The following TAFA1 variants were observed in gnomAD, a reference collection of about 807,000 sequenced individuals.
The protein encoded by TAFA1 is TAFA chemokine like family member 1.
A neutral mutation model predicts 18.5 loss-of-function variants in TAFA1; 4 were observed. That is an observed-to-expected ratio of 0.22 (90% confidence interval 0.11 to 0.49). The LOEUF (loss-of-function observed/expected upper bound fraction) is 0.49. Ranked by LOEUF, TAFA1 falls within the 20% of genes least tolerant of loss-of-function variation. The probability of loss-of-function intolerance (pLI) is 0.98; values close to 1 mark genes in which losing one functional copy is unlikely to be tolerated. For synonymous variants in TAFA1, 56 were observed against 55.2 expected (o/e 1.01, Z -0.06); for missense variants, 147 against 169.0 (o/e 0.87, Z 0.72).
At chr3:68,201,293 C>G (rs1021785905) in intron 2 of TAFA1, among the ~76,000 whole-genome samples, 4 of 151,312 alleles carry the variant, frequency 2.6e-5, no homozygotes, top group Non-Finnish European at 5.9e-5. Flanking sequence ...ATTCTATGAC[C>G]CAGCATGTGG....
intron 2 of TAFA1, among the ~76,000 whole-genome samples, chr3:68,389,938 G>A (rs1343204543): frequency 2.0e-5 from 3 of 152,154 alleles, no homozygotes; most frequent in Non-Finnish European, 4.4e-5. Flanking sequence ...GCAGCCATAT[G>A]GGCAGACACT....
intron 3 of TAFA1, among the ~76,000 whole-genome samples, chr3:68,452,687 G>T (rs2071586116): frequency 1.3e-5 from 2 of 152,066 alleles, no homozygotes; most frequent in African/African-American, 4.8e-5. Context: ...AGTCAAAGAG[G>T]ATGTCTTTGT....
At chr3:68,034,052 A>G (rs1233055334) in intron 2 of TAFA1, among the ~76,000 whole-genome samples, 1 of 152,228 alleles carries the variant, frequency 6.6e-6, no homozygotes, top group Non-Finnish European at 1.5e-5. Flanking sequence ...CCTTTGACCT[A>G]CAAACTAGAG....
chr3:68,095,419 C>T (rs1575613670), intron 2 of TAFA1, among the ~76,000 whole-genome samples: 1 of 152,130 alleles, frequency 6.6e-6, no homozygotes, highest in East Asian at 1.9e-4. Flanking sequence ...ACATAAAAAG[C>T]TTTCTATGCT....
At chr3:68,504,856 G>A (rs1287936019) in intron 3 of TAFA1, among the ~76,000 whole-genome samples, 1 of 152,128 alleles carries the variant, frequency 6.6e-6, no homozygotes, top group Non-Finnish European at 1.5e-5. Context: ...CCCTTTCAAA[G>A]GGATCAAAGT....
At chr3:68,495,281 A>G (rs759121149) in intron 3 of TAFA1, among the ~76,000 whole-genome samples, 2 of 152,248 alleles carry the variant, frequency 1.3e-5, no homozygotes, top group Non-Finnish European at 2.9e-5. Context: ...TATTATATAA[A>G]GGAATGGAAT....
intron 2 of TAFA1, among the ~76,000 whole-genome samples, chr3:68,036,407 C>T (rs1347699097): frequency 6.8e-6 from 1 of 146,456 alleles, no homozygotes; most frequent in Non-Finnish European, 1.5e-5. Context: ...CCACTGCACT[C>T]CAGCCTTGGC....
intron 2 of TAFA1, among the ~76,000 whole-genome samples, chr3:68,172,960 C>A (rs990394266): frequency 1.3e-5 from 2 of 151,984 alleles, no homozygotes; most frequent in African/African-American, 2.4e-5. Context: ...GATGGTTGCA[C>A]AACTCTGTGA....
intron 2 of TAFA1, among the ~76,000 whole-genome samples, chr3:68,411,697 G>A (rs565595571): frequency 6.6e-6 from 1 of 152,238 alleles, no homozygotes; most frequent in South Asian, 2.1e-4. Flanking sequence ...TAGAGTAGAG[G>A]TAACTGAGCC....
At chr3:68,132,200 G>C (rs1251714421) in intron 2 of TAFA1, among the ~76,000 whole-genome samples, 2 of 152,150 alleles carry the variant, frequency 1.3e-5, no homozygotes, top group Non-Finnish European at 2.9e-5. Context: ...TCCCTGCAAA[G>C]GACATGAACT....
At chr3:68,077,789 C>G (rs900606959) in intron 2 of TAFA1, among the ~76,000 whole-genome samples, 2 of 151,894 alleles carry the variant, frequency 1.3e-5, no homozygotes, top group African/African-American at 4.9e-5. Flanking sequence ...CTTGGCGATG[C>G]GGGCTCTTTT....
chr3:68,060,075 A>C (rs1405658133), intron 2 of TAFA1, among the ~76,000 whole-genome samples: 1 of 151,856 alleles, frequency 6.6e-6, no homozygotes, highest in East Asian at 1.9e-4. Context: ...GAAGGAAAAA[A>C]AAAACACACA....
At chr3:68,215,343 C>G (rs1038377095) in intron 2 of TAFA1, among the ~76,000 whole-genome samples, 1 of 151,852 alleles carries the variant, frequency 6.6e-6, no homozygotes, top group African/African-American at 2.4e-5. Context: ...TGGCCTTTGC[C>G]CAGTTAATCT....
chr3:68,333,975 A>G (rs1027390982), intron 2 of TAFA1, among the ~76,000 whole-genome samples: 5 of 152,236 alleles, frequency 3.3e-5, no homozygotes, highest in African/African-American at 9.6e-5. Context: ...AACAAGTAAG[A>G]CTGTGGTTAC....
chr3:68,258,543 G>A (rs1489945654), intron 2 of TAFA1, among the ~76,000 whole-genome samples: 2 of 152,094 alleles, frequency 1.3e-5, no homozygotes, highest in South Asian at 2.1e-4. Flanking sequence ...ACTTTAAGTC[G>A]TTCTATTTAA....
At chr3:68,303,031 A>T (rs1169874517) in intron 2 of TAFA1, among the ~76,000 whole-genome samples, 1 of 152,200 alleles carries the variant, frequency 6.6e-6, no homozygotes, top group Admixed American at 6.5e-5. Context: ...ATGACTACAT[A>T]TTTTTTTCAA....
intron 3 of TAFA1, among the ~76,000 whole-genome samples, chr3:68,459,696 A>T (rs1196426557): frequency 6.6e-6 from 1 of 152,226 alleles, no homozygotes; most frequent in African/African-American, 2.4e-5. Context: ...CAATACAAAG[A>T]GCTCATTGCC....
chr3:68,044,865 C>CA (rs1241086485), intron 2 of TAFA1, among the ~76,000 whole-genome samples: 1 of 152,118 alleles, frequency 6.6e-6, no homozygotes, highest in Non-Finnish European at 1.5e-5. Context: ...CATAAAGTGG[C>CA]AAAATTACTG....
rs78973406 is a variant in TAFA1, at chr3:68,284,919, A to G, written c.119-132361A>G. 8.5e-3 allele frequency among the ~76,000 whole-genome samples: 1,299 copies of G among 152,260 alleles called. 57 individuals carry two copies. In the East Asian group the frequency reaches 0.13, roughly 15 times the overall value. Reference sequence around the variant, plus strand: ...ACCCTGTCTCTACAGTTTTTATTTTAATTAGCCATGGACAATTAAAATAAT... The same window carrying G: ...ACCCTGTCTCTACAGTTTTTATTTTGATTAGCCATGGACAATTAAAATAAT... On this transcript the variant is annotated intron_variant, in intron 2 of 4. Coordinates refer to ENST00000478136, the MANE Select transcript of TAFA1 (RefSeq NM_213609.4).
Sources: gnomAD v4.1 joint callset for allele counts (sites outside exome capture counted in the v4.1 genomes callset) on GRCh38, gnomAD v4.1.1 for gene constraint, MANE v1.5 for transcripts, NCBI Gene and HGNC (gene_info 2026-07-23, HGNC 2026-07-21) for gene names.